The following ERAP2 variants were observed in gnomAD, a reference collection of about 807,000 sequenced individuals.
ERAP2 encodes the protein leukocyte-derived arginine aminopeptidase.
ERAP2 carries 118 observed loss-of-function variants against 111.1 expected under a neutral mutation model. The ratio of observed to expected loss-of-function variants is 1.06; its 90% confidence interval spans 0.92 to 1.24. The LOEUF is 1.24. Among genes scored for constraint, ERAP2 ranks in the 50% most tolerant of loss-of-function variants. The probability of loss-of-function intolerance (pLI) is 0.00; values close to 1 mark genes in which losing one functional copy is unlikely to be tolerated. For synonymous variants in ERAP2, 410 were observed against 401.2 expected, an observed-to-expected ratio of 1.02 and a Z score of -0.26; for missense variants, 1,131 against 1,125.8, an observed-to-expected ratio of 1.00 and a Z score of -0.07.
rs751317663 is a variant in ERAP2, at chr5:96,908,926, A to G, written c.2013-35A>G. 1.4e-5 allele frequency: 23 copies of G among 1,589,918 alleles called. No homozygotes were observed. The Admixed American group carries it at 4.1e-4, about 29-fold the overall frequency. The stretch of plus-strand genomic sequence containing the variant: ...TTAAAAATATTAAAAACTATAAGAT[A>G]TGCACAAACCACTGACATTTGTTTT... On this transcript the variant is annotated intron_variant, in intron 13 of 18. Transcript: ENST00000437043.
chr5:96,912,627 G>A lies in ERAP2; in HGVS notation c.2355-10G>A. The A allele has an allele frequency of 6.3e-7, 1 of 1,582,052 alleles. No homozygotes were observed. Among genetic ancestry groups the A allele is most frequent in the Non-Finnish European group, 8.5e-7 (1 of 1,170,984 alleles). ...AAACTTTTTCTTCATTTTTATGCTT[G>A]ATATTACAGTATACCAACAGATGTT... On this transcript the variant is annotated splice_polypyrimidine_tract_variant and intron_variant, in intron 15 of 18. Transcript: ENST00000437043.
intron 15 of ERAP2, 22 bp from the exon 16 acceptor site, chr5:96,912,615 A>AT (rs1281463456): frequency 5.7e-6 from 9 of 1,570,942 alleles, no homozygotes; most frequent in Non-Finnish European, 7.7e-6. Flanking sequence ...CTTTTTCTTC[A>AT]TTTTTATGCT....
intron 16 of ERAP2, among the ~76,000 whole-genome samples, 161 bp downstream of exon 16, chr5:96,912,959 A>C (rs994507550): frequency 1.3e-5 from 2 of 152,244 alleles, no homozygotes; most frequent in Non-Finnish European, 2.9e-5. Flanking sequence ...ACAAAATGCA[A>C]ATAGTGAAAA....
At position 96,907,603 on chromosome 5, in the gene ERAP2, C is replaced by G. The variant is rs906974375; in HGVS notation, c.2013-1358C>G. The stretch of plus-strand genomic sequence containing the variant: ...TTTTTTTTTAATACGGCAGACTAGC[C>G]GGGCCAGGTGGCTCATGCCTGTAAT... On this transcript the variant is annotated intron_variant, in intron 13 of 18. Transcript: ENST00000437043. Among the ~76,000 whole-genome samples, 5 of 150,914 alleles carry G rather than the reference C, an allele frequency of 3.3e-5. No individual in the cohort carries two copies. The East Asian group carries it at 9.7e-4, about 29-fold the overall frequency.
At chr5:96,896,618 T>C (rs1784883105) in intron 8 of ERAP2, 114 bp downstream of exon 8, 3 of 1,448,080 alleles carry the variant, frequency 2.1e-6, no homozygotes, top group East Asian at 4.7e-5. Flanking sequence ...CACTTTTTAT[T>C]TGTTCACTTT....
At chr5:96,909,914 G>GT (rs1786529656) in intron 15 of ERAP2, 150 bp downstream of exon 15, 1 of 677,378 alleles carries the variant, frequency 1.5e-6, no homozygotes, top group Non-Finnish European at 2.5e-6. Flanking sequence ...CTCTCACATT[G>GT]TAAGTGCTAT....
chr5:96,917,331 G>A (rs930519738), intron 18 of ERAP2, 131 bp from the exon 19 acceptor site: 1 of 674,754 alleles, frequency 1.5e-6, no homozygotes, highest in Non-Finnish European at 2.5e-6. Flanking sequence ...ATGTTGCCTA[G>A]GCTCGTATTG....
chr5:96,909,143 T>C, intron 14 of ERAP2, 26 bp downstream of exon 14: 1 of 1,607,114 alleles, frequency 6.2e-7, no homozygotes, highest in South Asian at 1.1e-5. Context: ...AGAAAATGTA[T>C]TAAGTAAATA....
At chr5:96,892,262 G>A in intron 5 of ERAP2, 37 bp from the exon 6 acceptor site, 8 of 1,606,606 alleles carry the variant, frequency 5.0e-6, no homozygotes, top group Non-Finnish European at 6.8e-6. Flanking sequence ...TGGTGTGGGA[G>A]CCATAAAACT....
At chr5:96,917,387 C>G in intron 18 of ERAP2, 75 bp from the exon 19 acceptor site, 25 of 1,321,786 alleles carry the variant, frequency 1.9e-5, no homozygotes, top group East Asian at 5.7e-5. Flanking sequence ...TCCCGAAGTG[C>G]TGGGATTACA....
At chr5:96,908,456 C>T (rs568191488) in intron 13 of ERAP2, among the ~76,000 whole-genome samples, 10 of 152,244 alleles carry the variant, frequency 6.6e-5, no homozygotes, top group South Asian at 4.1e-4. Context: ...CAATGATTAC[C>T]GCTTCTCTGA....
At chr5:96,912,430 T>C (rs1314208723) in intron 15 of ERAP2, among the ~76,000 whole-genome samples, 2 of 152,142 alleles carry the variant, frequency 1.3e-5, no homozygotes, top group African/African-American at 2.4e-5. Flanking sequence ...GCTAACATTT[T>C]ATCATCAGTA....
intron 13 of ERAP2, among the ~76,000 whole-genome samples, chr5:96,906,159 C>T (rs1278343496): frequency 6.7e-6 from 1 of 149,486 alleles, no homozygotes; most frequent in Non-Finnish European, 1.5e-5. Flanking sequence ...CAGAGCCATT[C>T]TCTTAACCAC....
rs1426500876 is a variant in ERAP2 at position 96,880,073 on chromosome 5, T to C, written c.388T>C (p.Tyr130His). ...CCTTCAGTCAGAGGAAGATTCAAGA[T>C]ACATGAAACCAGGAAAAGAACTGAA... ...ATLQSEEDSR[Y>H]MKPGKELKVL... is the part of the protein sequence containing the mutation. The change falls in exon 2 of 19, where the codon TAC becomes CAC. Residue 130 changes from tyrosine to histidine, a missense_variant. By Grantham distance (83) the Tyr-to-His change is moderately conservative. Transcript: ENST00000437043. 3 of 1,614,174 alleles carry C rather than the reference T, an allele frequency of 1.9e-6. No individual in the cohort carries two copies. The highest frequency in any genetic ancestry group is 1.7e-5 in the Admixed American group (1 of 60,006).
chr5:96,902,716 C>A, intron 12 of ERAP2: 1 of 178,066 alleles, frequency 5.6e-6, no homozygotes, highest in South Asian at 1.3e-4. Flanking sequence ...GGATTCAAGT[C>A]CTCACTCTCT....
At chr5:96,892,546 A>G (rs1784487931) in intron 6 of ERAP2, 93 bp downstream of exon 6, 1 of 1,449,448 alleles carries the variant, frequency 6.9e-7, no homozygotes, top group African/African-American at 1.4e-5. Flanking sequence ...AAATCATCTC[A>G]TTTACCTCTA....
intron 9 of ERAP2, among the ~76,000 whole-genome samples, chr5:96,898,505 A>G (rs1349199966): frequency 6.6e-6 from 1 of 150,870 alleles, no homozygotes; most frequent in South Asian, 2.1e-4. Context: ...ACTTTGGGAG[A>G]CCGAGGTGGG....
chr5:96,917,320 C>T (rs1164965747), intron 18 of ERAP2, 142 bp from the exon 19 acceptor site: 4 of 589,008 alleles, frequency 6.8e-6, no homozygotes, highest in South Asian at 2.3e-5. Flanking sequence ...GGGGTTCTGG[C>T]ATGTTGCCTA....
Position 96,886,737 on chromosome 5 carries a change from A to G in ERAP2, c.797A>G (p.Tyr266Cys), listed in dbSNP as rs979604418. Residue 266 changes from tyrosine to cysteine, a missense_variant, in exon 4 of 19, where the codon TAC (tyrosine) becomes TGC (cysteine). Coordinates refer to ENST00000437043, the MANE Select transcript of ERAP2 (RefSeq NM_022350.5). ...TVKMSTYLVA[Y>C]IVCDFHSLSG... ...AAAATGAGTACATACCTTGTAGCCT[A>G]CATAGTTTGTGATTTCCACTCTCTG... The G allele has an allele frequency of 1.9e-6, 3 of 1,539,082 alleles. No individual in the cohort carries two copies. The highest frequency in any genetic ancestry group is 2.7e-5 in the African/African-American group (2 of 73,926).
Sources: allele counts gnomAD v4.1 joint callset (sites outside exome capture counted in the v4.1 genomes callset), GRCh38; gene constraint gnomAD v4.1.1; transcripts MANE v1.5; gene names NCBI Gene and HGNC (gene_info 2026-07-23, HGNC 2026-07-21).